Variants in IGHMBP2 observed in about 807,000 individuals in gnomAD.
The protein encoded by IGHMBP2 is DNA-binding protein SMUBP-2.
Under a neutral mutation model 96.0 loss-of-function variants are expected in IGHMBP2, and 81 were observed. That is an observed-to-expected ratio of 0.84 (90% CI 0.71 to 1.01). IGHMBP2 has a LOEUF of 1.01. Among genes scored for constraint, IGHMBP2 ranks in the 50% least tolerant of loss-of-function variants. The pLI, the probability that IGHMBP2 is intolerant of heterozygous loss-of-function variation, is 0.00. For synonymous variants in IGHMBP2, 557 were observed against 548.9 expected, an observed-to-expected ratio of 1.01 and a Z score of -0.21; for missense variants, 1,227 against 1,306.3, an observed-to-expected ratio of 0.94 and a Z score of 0.94.
rs561139583 is a variant in IGHMBP2 at position 68,927,536 on chromosome 11, A to G, written c.1061-1647A>G. On this transcript the variant is annotated intron_variant, in intron 7 of 14. Coordinates refer to ENST00000255078, the MANE Select transcript of IGHMBP2 (RefSeq NM_002180.3). ...CCGAGGTCTTTCCTGAGCCCTGTACATGTGTGTGGCCTTCTAGATTCCCAG... is the reference window on the plus strand; with the variant it reads ...CCGAGGTCTTTCCTGAGCCCTGTACGTGTGTGTGGCCTTCTAGATTCCCAG... Among the ~76,000 whole-genome samples the G allele has an allele frequency of 7.2e-5, 11 of 152,298 alleles. 1 individual carries two copies. In the South Asian group the frequency reaches 2.3e-3, roughly 32 times the overall value.
rs1161757831 is a variant in IGHMBP2, at chr11:68,929,184, T to G, written c.1062T>G (p.Gly354=). Residue 354 remains glycine (G), a splice_region_variant and synonymous_variant, in exon 8 of 15, where the codon GGT becomes GGG. Transcript: ENST00000255078. ...CTCCCGGCTCCCTGTTTCCACCAGG[T>G]GCGTCTGCCGATGGCCCCCTGAAGT... is the stretch of plus-strand genomic sequence containing the variant. ...SANVVLATNT[G]ASADGPLKLL... 1 of 1,612,142 alleles carries G rather than the reference T, an allele frequency of 6.2e-7. No homozygotes were observed. Among genetic ancestry groups the G allele is most frequent in the African/African-American group, 1.3e-5 (1 of 74,910 alleles).
chr11:68,931,129 C>T (rs1017441098), intron 8 of IGHMBP2, among the ~76,000 whole-genome samples: 1 of 152,222 alleles, frequency 6.6e-6, no homozygotes, highest in Non-Finnish European at 1.5e-5. Context: ...CTGTCTGCCT[C>T]CCGCTGCCAT....
intron 8 of IGHMBP2, among the ~76,000 whole-genome samples, chr11:68,930,905 C>T (rs976046278): frequency 2.7e-4 from 41 of 152,258 alleles, no homozygotes; most frequent in African/African-American, 8.2e-4. Context: ...CTGCCCTCTC[C>T]GTCCTCTGGC....
At chr11:68,937,290 C>A (rs1460281125) in intron 13 of IGHMBP2, among the ~76,000 whole-genome samples, 199 bp downstream of exon 13, 1 of 152,194 alleles carries the variant, frequency 6.6e-6, no homozygotes, top group African/African-American at 2.4e-5. Context: ...GTCACGGGCA[C>A]CTTCTTTTCC....
At position 68,914,926 on chromosome 11, in the gene IGHMBP2, T is replaced by C. The variant is rs773582904; in HGVS notation, c.815T>C (p.Leu272Pro). Residue 272 changes from leucine (L) to proline (P), a missense_variant, in exon 6 of 15, where the codon CTG becomes CCG. Coordinates refer to ENST00000255078, the MANE Select transcript of IGHMBP2 (RefSeq NM_002180.3). ...CGCCTGGGACACCCTGCCCGCCTCC[T>C]GGAGTCCATTCAGCAGCACTCCCTG... ...ILRLGHPARL[L>P]ESIQQHSLDA... is the part of the protein sequence containing the mutation. 9.9e-6 allele frequency: 16 copies of C among 1,614,004 alleles called. No individual in the cohort carries two copies. Among genetic ancestry groups the C allele is most frequent in the African/African-American group, 2.7e-5 (2 of 74,924 alleles).
intron 6 of IGHMBP2, among the ~76,000 whole-genome samples, chr11:68,916,135 C>T (rs1374788792): frequency 6.6e-6 from 1 of 152,006 alleles, no homozygotes; most frequent in Non-Finnish European, 1.5e-5. Flanking sequence ...GGTCACTCCA[C>T]TGCACTCCAG....
intron 7 of IGHMBP2, among the ~76,000 whole-genome samples, chr11:68,926,827 G>A (rs543235971): frequency 4.9e-4 from 75 of 152,138 alleles, no homozygotes; most frequent in African/African-American, 1.6e-3. Context: ...GTGCCGTAGC[G>A]TGATCTCGGC....
chr11:68,908,811 C>T (rs1858304383), intron 4 of IGHMBP2, among the ~76,000 whole-genome samples, 180 bp downstream of exon 4: 3 of 149,856 alleles, frequency 2.0e-5, no homozygotes, highest in South Asian at 2.1e-4. Flanking sequence ...TCCTTGTACT[C>T]AGTCCTAATG....
chr11:68,939,338 G>A (rs953992054), intron 14 of IGHMBP2, among the ~76,000 whole-genome samples, 196 bp from the exon 15 acceptor site: 2 of 152,062 alleles, frequency 1.3e-5, no homozygotes, highest in South Asian at 4.1e-4. Context: ...ACACTCGGGG[G>A]CTCCCGCCAC....
rs890848766 is a variant in IGHMBP2, at chr11:68,922,809, A to C, written c.1060+4926A>C. Among the ~76,000 whole-genome samples the C allele has an allele frequency of 2.6e-5, 4 of 152,174 alleles. 1 individual carries two copies. The South Asian group carries it at 6.2e-4, about 24-fold the overall frequency. ...GTCGTGTTGTGCAGCAGATCTATAG[A>C]ATTTATCTTGCACAGCTGAACCTTT... On this transcript the variant is annotated intron_variant, in intron 7 of 14. Coordinates refer to ENST00000255078, the MANE Select transcript of IGHMBP2 (RefSeq NM_002180.3).
chr11:68,939,570 C>T lies in IGHMBP2; in HGVS notation c.2821C>T (p.Arg941Trp), dbSNP rs557641477. The T allele has an allele frequency of 1.1e-5, 18 of 1,612,672 alleles. No homozygotes were observed. The highest frequency in any genetic ancestry group is 4.5e-5 in the East Asian group (2 of 44,894). Residue 941 changes from arginine to tryptophan, a missense_variant, in exon 15 of 15, where the codon CGG becomes TGG. By Grantham distance (101) the Arg-to-Trp change is moderately radical. Transcript: ENST00000255078. ...CGGTGAGAGGGCTCGCGCCCATGCC[C>T]GGCAGAGAATCAGCCGGGAAGGGGT... is the stretch of plus-strand genomic sequence containing the variant. ...GCGERARAHA[R>W]QRISREGVLY...
chr11:68,939,300 A>G (rs1859661156), intron 14 of IGHMBP2, among the ~76,000 whole-genome samples: 1 of 152,104 alleles, frequency 6.6e-6, no homozygotes, highest in South Asian at 2.1e-4. Flanking sequence ...CCGTGTGGTC[A>G]GTCAGGGTGG....
At chr11:68,922,778 A>G (rs917448872) in intron 7 of IGHMBP2, among the ~76,000 whole-genome samples, 2 of 152,212 alleles carry the variant, frequency 1.3e-5, no homozygotes, top group African/African-American at 4.8e-5. Flanking sequence ...ATTGTTAACT[A>G]TAGACGTCGT....
intron 5 of IGHMBP2, among the ~76,000 whole-genome samples, chr11:68,913,348 A>G (rs1858520897): frequency 6.6e-6 from 1 of 152,146 alleles, no homozygotes; most frequent in South Asian, 2.1e-4. Context: ...TGGTGGAGAT[A>G]TGCCTTTGGA....
intron 2 of IGHMBP2, among the ~76,000 whole-genome samples, chr11:68,907,884 T>G (rs1858265092): frequency 6.6e-6 from 1 of 152,134 alleles, no homozygotes; most frequent in Admixed American, 6.5e-5. Flanking sequence ...AGAGACGGGC[T>G]TTCACTGTGT....
At chr11:68,904,068 G>A (rs764271806) in intron 1 of IGHMBP2, 30 bp downstream of exon 1, 7 of 1,527,466 alleles carry the variant, frequency 4.6e-6, no homozygotes, top group Non-Finnish European at 4.4e-6. Context: ...CCGCTCCCTC[G>A]CGGTCGGTCC....
At chr11:68,929,843 G>A (rs780902526) in intron 8 of IGHMBP2, 6 of 978,208 alleles carry the variant, frequency 6.1e-6, no homozygotes, top group Non-Finnish European at 7.3e-6. Context: ...GCCTGGCCCA[G>A]GCTGTCCTGG....
intron 4 of IGHMBP2, 119 bp from the exon 5 acceptor site, chr11:68,911,321 G>T: frequency 1.0e-6 from 1 of 960,468 alleles, no homozygotes; most frequent in South Asian, 1.4e-5. Context: ...TTGCCCCTGG[G>T]GAGGTCCGGC....
chr11:68,915,723 A>G (rs1485434231), intron 6 of IGHMBP2, among the ~76,000 whole-genome samples: 2 of 148,214 alleles, frequency 1.3e-5, no homozygotes, highest in African/African-American at 2.5e-5. Flanking sequence ...ACCTCAAGTG[A>G]TCCACCCGCC....
Sources: allele counts gnomAD v4.1 joint callset (sites outside exome capture counted in the v4.1 genomes callset), GRCh38; gene constraint gnomAD v4.1.1; transcripts MANE v1.5; gene names NCBI Gene and HGNC (gene_info 2026-07-23, HGNC 2026-07-21).